Variants in EDA observed in about 807,000 individuals in gnomAD.
EDA encodes the protein ectodysplasin-A.
A neutral mutation model predicts 23.6 loss-of-function variants in EDA; 2 were observed. The ratio of observed to expected loss-of-function variants is 0.08; its 90% CI spans 0.03 to 0.27. The LOEUF is 0.27. EDA is among the 10% of genes least tolerant of loss of function. The pLI, the probability that EDA is intolerant of heterozygous loss-of-function variation, is 1.00. For synonymous variants in EDA, 131 were observed against 132.0 expected (o/e 0.99, Z 0.05); for missense variants, 229 against 324.2 (o/e 0.71, Z 2.26).
intron 1 of EDA, among the ~76,000 whole-genome samples, chrX:69,931,299 C>A (rs910257622): frequency 1.8e-5 from 2 of 111,492 alleles, no homozygotes; most frequent in South Asian, 7.5e-4. Flanking sequence ...ATTTGCAAAT[C>A]ACTTATCTGA....
At chrX:70,026,181 A>G (rs2020104264) in intron 3 of EDA, among the ~76,000 whole-genome samples, 1 of 112,469 alleles carries the variant, frequency 8.9e-6, no homozygotes, top group African/African-American at 3.2e-5. Context: ...ACAGGCTTCC[A>G]TTCCTGAAAC....
At chrX:69,849,241 G>A (rs1429389059) in intron 1 of EDA, among the ~76,000 whole-genome samples, 2 of 110,924 alleles carry the variant, frequency 1.8e-5, no homozygotes, top group African/African-American at 6.6e-5. Flanking sequence ...CAATGATGAT[G>A]TAAAGCTTTG....
At chrX:69,973,422 C>T (rs1191073702) in intron 2 of EDA, among the ~76,000 whole-genome samples, 1 of 111,891 alleles carries the variant, frequency 8.9e-6, no homozygotes, top group Non-Finnish European at 1.9e-5. Context: ...TCTAACACCA[C>T]GTGGTCCAGT....
At chrX:69,642,523 CTT>C (rs1163478842) in intron 1 of EDA, among the ~76,000 whole-genome samples, 1 of 110,648 alleles carries the variant, frequency 9.0e-6, no homozygotes, top group Non-Finnish European at 1.9e-5. Flanking sequence ...TTGAAAATGA[CTT>C]ATAAAAATGA....
rs1223040188 is a variant in EDA, at chrX:69,961,377, G to A, written c.502+4245G>A. ...AAACAGTTCATTAACTCTTGGAAAC[G>A]GAAGGGATGTAGTGATCCTTAGGAG... On this transcript the variant is annotated intron_variant, in intron 2 of 7. Coordinates refer to ENST00000374552, the MANE Select transcript of EDA (RefSeq NM_001399.5). 3.6e-5 allele frequency among the ~76,000 whole-genome samples: 4 copies of A among 112,023 alleles called. No homozygotes were observed. The East Asian group carries it at 8.4e-4, about 23-fold the overall frequency.
At chrX:69,782,140 G>A (rs2014963031) in intron 1 of EDA, among the ~76,000 whole-genome samples, 1 of 109,253 alleles carries the variant, frequency 9.2e-6, no homozygotes, top group African/African-American at 3.3e-5. Flanking sequence ...CACTAACGGA[G>A]CCAAATACAA....
chrX:69,925,656 G>A (rs2018505248), intron 1 of EDA, among the ~76,000 whole-genome samples: 1 of 111,053 alleles, frequency 9.0e-6, no homozygotes, highest in Non-Finnish European at 1.9e-5. Context: ...TCAGGATGAT[G>A]CTGGCTTCAT....
chrX:69,817,722 C>T (rs1264073566), intron 1 of EDA, among the ~76,000 whole-genome samples: 1 of 111,894 alleles, frequency 8.9e-6, no homozygotes, highest in Non-Finnish European at 1.9e-5. Context: ...ATTCATAAAA[C>T]AAGTTCTTAG....
chrX:69,749,088 CT>C, intron 1 of EDA, among the ~76,000 whole-genome samples: 1 of 69,472 alleles, frequency 1.4e-5, no homozygotes, highest in South Asian at 1.4e-3. Context: ...TCCCTCCCCC[CT>C]CCCCCCTCCC....
chrX:69,789,737 C>A (rs2015342972), intron 1 of EDA, among the ~76,000 whole-genome samples: 1 of 111,714 alleles, frequency 9.0e-6, no homozygotes. Context: ...TTTCTATATT[C>A]ATTCTCTTTT....
intron 1 of EDA, among the ~76,000 whole-genome samples, chrX:69,635,761 G>A (rs940885949): frequency 1.6e-4 from 17 of 108,677 alleles, no homozygotes; most frequent in Non-Finnish European, 3.2e-4. Flanking sequence ...TAGAGACGGG[G>A]TTTCACCATG....
At chrX:69,836,272 G>A (rs1422244252) in intron 1 of EDA, among the ~76,000 whole-genome samples, 1 of 112,532 alleles carries the variant, frequency 8.9e-6, no homozygotes, top group Admixed American at 9.4e-5. Context: ...CTTCAGAGCT[G>A]TCAGACAGGG....
intron 2 of EDA, among the ~76,000 whole-genome samples, chrX:70,006,086 A>C (rs2019799410): frequency 8.9e-6 from 1 of 112,420 alleles, no homozygotes; most frequent in Non-Finnish European, 1.9e-5. Flanking sequence ...ATTCCATTAT[A>C]TGGATGTCCA....
At chrX:69,716,310 T>G (rs1298408085) in intron 1 of EDA, among the ~76,000 whole-genome samples, 2 of 112,022 alleles carry the variant, frequency 1.8e-5, no homozygotes, top group African/African-American at 6.5e-5. Flanking sequence ...CCCAGCACCT[T>G]TATTGAATAG....
intron 1 of EDA, among the ~76,000 whole-genome samples, chrX:69,913,597 G>A (rs1036839995): frequency 8.9e-6 from 1 of 112,302 alleles, no homozygotes; most frequent in South Asian, 3.8e-4. Flanking sequence ...CGGCAATAAG[G>A]CTGTTTTTCT....
intron 1 of EDA, among the ~76,000 whole-genome samples, chrX:69,718,301 T>TC (rs1298746713): frequency 9.0e-6 from 1 of 111,417 alleles, no homozygotes; most frequent in Non-Finnish European, 1.9e-5. Flanking sequence ...GCCTTTTTTT[T>TC]CTTGTCTTAT....
intron 2 of EDA, among the ~76,000 whole-genome samples, chrX:69,992,332 A>T (rs1023852685): frequency 2.7e-5 from 3 of 112,255 alleles, no homozygotes; most frequent in Non-Finnish European, 5.6e-5. Context: ...GGAAGAAGGC[A>T]TCTTGTCCCA....
chrX:69,930,341 A>G (rs2018581373), intron 1 of EDA, among the ~76,000 whole-genome samples: 1 of 111,746 alleles, frequency 8.9e-6, no homozygotes, highest in Admixed American at 9.6e-5. Flanking sequence ...TTCAACTTGC[A>G]TATCAGTTAT....
intron 1 of EDA, among the ~76,000 whole-genome samples, chrX:69,851,780 G>T (rs2017141005): frequency 9.0e-6 from 1 of 111,624 alleles, no homozygotes; most frequent in Non-Finnish European, 1.9e-5. Context: ...TTCTCTCTTT[G>T]GTCCAGTGTC....
Sources: gnomAD v4.1 joint callset for allele counts (sites outside exome capture counted in the v4.1 genomes callset) on GRCh38, gnomAD v4.1.1 for gene constraint, MANE v1.5 for transcripts, NCBI Gene and HGNC (gene_info 2026-07-23, HGNC 2026-07-21) for gene names.